Variants in ATP9A observed in about 807,000 individuals in gnomAD.
The protein encoded by ATP9A is probable phospholipid-transporting ATPase IIA.
In ATP9A, 52 loss-of-function variants were observed where a neutral mutation model predicts 144.1. The observed-to-expected ratio is 0.36, with a 90% CI of 0.29 to 0.45. The LOEUF is 0.45. ATP9A is among the 20% of genes least tolerant of loss of function. The pLI is 1.00. For synonymous variants in ATP9A, 582 were observed against 557.4 expected, an observed-to-expected ratio of 1.04 and a Z score of -0.62; for missense variants, 947 against 1,392.7, an observed-to-expected ratio of 0.68 and a Z score of 5.09.
In ATP9A at chr20:51,606,554, G is replaced by A. The variant is rs185873303; in HGVS notation, c.2803+973C>T. ...TCTACAAAAAATACAAAAATTAGCC[G>A]GGTGTGGTGGTGTACACCTGTAGTC... On this transcript the variant is annotated intron_variant, in intron 26 of 27. Coordinates refer to ENST00000338821, the MANE Select transcript of ATP9A (RefSeq NM_006045.3). Among the ~76,000 whole-genome samples, 891 of 152,192 alleles carry A rather than the reference G, an allele frequency of 5.9e-3. 7 individuals carry two copies. Among genetic ancestry groups the A allele is most frequent in the Non-Finnish European group, 6.9e-3 (472 of 68,024 alleles).
intron 1 of ATP9A, among the ~76,000 whole-genome samples, chr20:51,739,365 T>TA: frequency 6.7e-6 from 1 of 150,326 alleles, no homozygotes. Context: ...TTTTTTTTTT[T>TA]TTTGAGATGG....
At chr20:51,739,763 G>A (rs1354313699) in intron 1 of ATP9A, among the ~76,000 whole-genome samples, 4 of 152,172 alleles carry the variant, frequency 2.6e-5, no homozygotes, top group African/African-American at 9.7e-5. Context: ...CTTGAGAAGG[G>A]ACAGTGAGAC....
chr20:51,756,416 T>C (rs969179658), intron 1 of ATP9A, among the ~76,000 whole-genome samples: 1 of 152,010 alleles, frequency 6.6e-6, no homozygotes, highest in African/African-American at 2.4e-5. Context: ...TCGGCCTTCC[T>C]AGTAGCTGAG....
At chr20:51,686,204 C>T (rs933362802) in intron 9 of ATP9A, among the ~76,000 whole-genome samples, 12 of 151,680 alleles carry the variant, frequency 7.9e-5, no homozygotes, top group Non-Finnish European at 1.5e-4. Context: ...CATCACACAC[C>T]GGGGCCTGTC....
In ATP9A at chr20:51,600,267, C is replaced by G. The variant is rs2077136721; in HGVS notation, c.*944G>C. The G allele has an allele frequency of 6.6e-6, 1 of 152,212 alleles. No homozygotes were observed. The highest frequency in any genetic ancestry group is 1.5e-5 in the Non-Finnish European group (1 of 68,062). The allele number at this position is 152,212 out of a possible 1,614,324, so 9.4% of individuals were successfully genotyped here. Reference sequence around the variant, plus strand: ...AAGAGTCCCAGCCCCCTGACCTTTCCGCTTTGGTCTTGGAGGATCTGAGTC... The same window carrying G: ...AAGAGTCCCAGCCCCCTGACCTTTCGGCTTTGGTCTTGGAGGATCTGAGTC... On this transcript the variant is annotated 3_prime_UTR_variant, in exon 28 of 28. Transcript: ENST00000338821.
chr20:51,640,285 G>T (rs2077313319), intron 14 of ATP9A, among the ~76,000 whole-genome samples: 1 of 152,290 alleles, frequency 6.6e-6, no homozygotes, highest in Non-Finnish European at 1.5e-5. Flanking sequence ...TTCTCAACTG[G>T]GTGATTCTGT....
chr20:51,671,133 A>C lies in ATP9A; in HGVS notation c.1162T>G (p.Leu388Val). The C allele has an allele frequency of 6.2e-7, 1 of 1,613,894 alleles. No homozygotes were observed. Among genetic ancestry groups the C allele is most frequent in the Non-Finnish European group, 8.5e-7 (1 of 1,179,802 alleles). Residue 388 changes from leucine (L) to valine (V), a missense_variant, in exon 12 of 28, where the codon TTA becomes GTA. Transcript: ENST00000338821. ...IPEQLGRISYLLTDKTGTLTQ... is the reference protein window; with the variant it reads ...IPEQLGRISYVLTDKTGTLTQ... ...AGCTCACCTGTCTTGTCTGTGAGTA[A>C]GTACGAAATCCTGCCCAGCTGCTCA...
chr20:51,690,960 A>G (rs1245312932), intron 7 of ATP9A, 141 bp from the exon 8 acceptor site: 8 of 706,570 alleles, frequency 1.1e-5, no homozygotes, highest in Non-Finnish European at 1.7e-5. Context: ...GGTGGAAAGA[A>G]GAGGAAAGTC....
At chr20:51,722,715 T>C (rs2077694951) in intron 3 of ATP9A, among the ~76,000 whole-genome samples, 2 of 152,108 alleles carry the variant, frequency 1.3e-5, no homozygotes, top group Non-Finnish European at 2.9e-5. Flanking sequence ...GTGTATGCAG[T>C]GAACAGGGAA....
rs113976949 is a variant in ATP9A, at chr20:51,622,086, G to C, written c.2103C>G (p.His701Gln). The change falls in exon 19 of 28, where the codon CAC becomes CAG. Residue 701 changes from histidine to glutamine, a missense_variant. Physicochemically the swap from His to Gln is conservative, Grantham distance 24. This residue lies in a region of ATP9A where 770 missense variants were observed against 1,047.9 expected (regional missense o/e 0.73). Transcript: ENST00000338821. ...AHLVTRNQDI[H>Q]VFRLVTNRGE... ...GAGGACACTTTACCAGCCGAAAAAC[G>C]TGGATGTCTTGGTTTCTGGTCACCA... The C allele has an allele frequency of 1.7e-5, 27 of 1,613,944 alleles. No individual in the cohort carries two copies. Among genetic ancestry groups the C allele is most frequent in the African/African-American group, 2.7e-5 (2 of 74,894 alleles).
intron 9 of ATP9A, among the ~76,000 whole-genome samples, chr20:51,681,837 G>A (rs893753895): frequency 3.9e-5 from 6 of 152,128 alleles, no homozygotes; most frequent in Non-Finnish European, 8.8e-5. Context: ...GAACAGGTGC[G>A]CTCTTGCTGC....
In ATP9A at chr20:51,725,861, G is replaced by T. The variant is rs1474304875; in HGVS notation, c.285C>A (p.Pro95=). The T allele has an allele frequency of 1.9e-6, 3 of 1,613,650 alleles. No individual in the cohort carries two copies. In the South Asian group the frequency reaches 3.3e-5, roughly 18 times the overall value. The change falls in exon 3 of 28, where the codon CCC becomes CCA. Residue 95 remains proline, a synonymous_variant. Transcript: ENST00000338821. ...TATAGAGTGCACCAAGTCTCATTTC[G>T]GGAACAAACTGAGAGCAGGCAAGAA... is the stretch of plus-strand genomic sequence containing the variant. The part of the protein sequence containing the change: ...FLLLACSQFV[P]EMRLGALYTY...
intron 1 of ATP9A, among the ~76,000 whole-genome samples, chr20:51,733,437 G>A (rs1288528895): frequency 6.6e-5 from 10 of 151,734 alleles, no homozygotes; most frequent in Non-Finnish European, 1.5e-4. Flanking sequence ...GCAGTGGCAC[G>A]ATCTCCACTC....
intron 4 of ATP9A, among the ~76,000 whole-genome samples, chr20:51,699,806 C>T (rs1478167692): frequency 6.6e-6 from 1 of 152,048 alleles, no homozygotes; most frequent in African/African-American, 2.4e-5. Context: ...CCAAGACTGG[C>T]TAATTTTTGT....
chr20:51,748,015 T>C (rs1298222467), intron 1 of ATP9A, among the ~76,000 whole-genome samples: 2 of 152,200 alleles, frequency 1.3e-5, no homozygotes, highest in Non-Finnish European at 2.9e-5. Context: ...CTTCTATCTA[T>C]CCTTCCAAAC....
At chr20:51,731,611 A>G (rs10854189) in intron 1 of ATP9A, among the ~76,000 whole-genome samples, 59,126 of 151,258 alleles carry the variant, frequency 0.39, 12,176 homozygotes, top group African/African-American at 0.53. Context: ...CCCAGCTACC[A>G]GGGAGGCTGA....
intron 23 of ATP9A, among the ~76,000 whole-genome samples, chr20:51,610,539 T>TGAGCACAGCTGATCTCCAGAGCA (rs1470592197): frequency 6.6e-6 from 1 of 152,162 alleles, no homozygotes; most frequent in African/African-American, 2.4e-5. Context: ...GCTTTGTACA[T>TGAGCACAGCTGATCTCCAGAGCA]GAGCACAGCT....
chr20:51,724,804 C>T (rs985643499), intron 3 of ATP9A, among the ~76,000 whole-genome samples: 5 of 152,204 alleles, frequency 3.3e-5, no homozygotes, highest in Non-Finnish European at 7.3e-5. Context: ...TGCTACACAT[C>T]GCATGCACAA....
At chr20:51,748,932 T>TAGAC (rs1274457331) in intron 1 of ATP9A, among the ~76,000 whole-genome samples, 25 of 137,454 alleles carry the variant, frequency 1.8e-4, no homozygotes, top group East Asian at 4.0e-4. Flanking sequence ...GATAGATAGA[T>TAGAC]AGATAGATAG....
Sources: gnomAD v4.1 joint callset for allele counts (sites outside exome capture counted in the v4.1 genomes callset) on GRCh38, gnomAD v4.1.1 for gene constraint, gnomAD v4.1.1 regional missense constraint, MANE v1.5 for transcripts, NCBI Gene and HGNC (gene_info 2026-07-23, HGNC 2026-07-21) for gene names.